The following OR3A2 variants were observed in gnomAD, a reference collection of about 807,000 sequenced individuals.
OR3A2 encodes olfactory receptor 3A2.
For synonymous variants in OR3A2, 126 were observed against 159.3 expected, an observed-to-expected ratio of 0.79 and a Z score of 1.57; for missense variants, 318 against 392.8, an observed-to-expected ratio of 0.81 and a Z score of 1.61.
chr17:3,317,184 G>A (rs1328142112), intron 3 of OR3A2, among the ~76,000 whole-genome samples: 1 of 152,048 alleles, frequency 6.6e-6, no homozygotes, highest in Admixed American at 6.5e-5. Context: ...CAGAATTGGA[G>A]GTGGTAACAG....
Position 3,303,870 on chromosome 17 carries a change from C to T in OR3A2, c.-84-24717G>A, listed in dbSNP as rs949322097. On this transcript the variant is annotated intron_variant, in intron 3 of 4. Transcript: ENST00000573491. ...TCATGGCACTGCACTCCAGCCTGGG[C>T]GATAGAGTGAGACTCCATCTCAAAA... is the stretch of plus-strand genomic sequence containing the variant. Among the ~76,000 whole-genome samples, 17 of 148,620 alleles carry T rather than the reference C, an allele frequency of 1.1e-4. 1 individual carries two copies. Among genetic ancestry groups the T allele is most frequent in the South Asian group, 4.2e-4 (2 of 4,732 alleles).
At chr17:3,331,757 A>G (rs1286341707) in intron 3 of OR3A2, among the ~76,000 whole-genome samples, 1 of 151,984 alleles carries the variant, frequency 6.6e-6, no homozygotes, top group Non-Finnish European at 1.5e-5. Flanking sequence ...ATTGCTGGTG[A>G]GGAACTGCAT....
chr17:3,287,734 C>A (rs1454033812), upstream of OR3A2, among the ~76,000 whole-genome samples: 1 of 151,998 alleles, frequency 6.6e-6, no homozygotes, highest in South Asian at 2.1e-4. Context: ...ATTCTCTTGG[C>A]GAGGCTTGAA....
At chr17:3,333,798 A>C (rs2049257873) in intron 3 of OR3A2, among the ~76,000 whole-genome samples, 1 of 152,206 alleles carries the variant, frequency 6.6e-6, no homozygotes, top group African/African-American at 2.4e-5. Context: ...AAGATAAACT[A>C]TCATCAGAGT....
rs189954681 is a variant in OR3A2, at chr17:3,321,316, C to A, written c.-85+14717G>T. The stretch of plus-strand genomic sequence containing the variant: ...GAGTTTTCTAGATATACAATCATGT[C>A]ATCTGCAAACAGGGACAATATGACT... On this transcript the variant is annotated intron_variant, in intron 3 of 4. Coordinates refer to the OR3A2 transcript ENST00000573491. Among the ~76,000 whole-genome samples, 809 of 152,248 alleles carry A rather than the reference C, an allele frequency of 5.3e-3. 2 individuals carry two copies. Among genetic ancestry groups the A allele is most frequent in the Non-Finnish European group, 8.7e-3 (591 of 68,034 alleles).
At chr17:3,292,148 C>T in intron 3 of OR3A2, 1 of 1,614,116 alleles carries the variant, frequency 6.2e-7, no homozygotes, top group Non-Finnish European at 8.5e-7. Flanking sequence ...CCACCAACAT[C>T]CTCTGGACTG....
At chr17:3,363,342 T>C (rs1260453737) in intron 2 of OR3A2, among the ~76,000 whole-genome samples, 1 of 151,812 alleles carries the variant, frequency 6.6e-6, no homozygotes, top group Non-Finnish European at 1.5e-5. Context: ...CTCTAAATGA[T>C]CTGTCTCAAG....
At chr17:3,305,826 G>A (rs73305858) in intron 3 of OR3A2, among the ~76,000 whole-genome samples, 28,767 of 152,142 alleles carry the variant, frequency 0.19, 4,274 homozygotes, top group African/African-American at 0.41. Flanking sequence ...GTGTGGACAC[G>A]TGCATAGGAA....
At chr17:3,382,079 G>A (rs1042586535) in intron 2 of OR3A2, among the ~76,000 whole-genome samples, 1 of 152,174 alleles carries the variant, frequency 6.6e-6, no homozygotes, top group Non-Finnish European at 1.5e-5. Flanking sequence ...GAAAGGAGGT[G>A]GGGTTTCCTG....
chr17:3,285,056 T>C (rs2150618412), upstream of OR3A2, among the ~76,000 whole-genome samples: 1 of 152,144 alleles, frequency 6.6e-6, no homozygotes, highest in East Asian at 1.9e-4. Flanking sequence ...ATAATGATTC[T>C]AGAGGTGGTG....
At chr17:3,349,876 T>A (rs1214623238) in intron 2 of OR3A2, among the ~76,000 whole-genome samples, 64 of 152,022 alleles carry the variant, frequency 4.2e-4, no homozygotes, top group African/African-American at 1.5e-3. Context: ...TGATTAAGAA[T>A]CTCACTCAAA....
chr17:3,321,054 T>C (rs532577672), intron 3 of OR3A2, among the ~76,000 whole-genome samples: 347 of 152,282 alleles, frequency 2.3e-3, no homozygotes, highest in African/African-American at 7.6e-3. Context: ...TTTTATTTCA[T>C]TGAGCAGTGG....
At chr17:3,348,299 T>G (rs1409218170) in intron 2 of OR3A2, among the ~76,000 whole-genome samples, 1 of 152,134 alleles carries the variant, frequency 6.6e-6, no homozygotes, top group Non-Finnish European at 1.5e-5. Context: ...CTTTTGGTGT[T>G]TTAGACATGA....
intron 3 of OR3A2, among the ~76,000 whole-genome samples, chr17:3,324,336 T>A (rs1264477778): frequency 5.9e-5 from 9 of 152,106 alleles, no homozygotes; most frequent in Admixed American, 5.9e-4. Flanking sequence ...AATTTGATCG[T>A]CTGAAGCCTT....
chr17:3,375,264 G>T (rs1597364727), intron 2 of OR3A2, among the ~76,000 whole-genome samples: 5 of 57,910 alleles, frequency 8.6e-5, no homozygotes, highest in Non-Finnish European at 1.7e-4. Flanking sequence ...TTTTGAGATA[G>T]TCTCACTTGG....
intron 2 of OR3A2, among the ~76,000 whole-genome samples, chr17:3,354,993 T>G (rs1263989870): frequency 6.6e-6 from 1 of 151,372 alleles, no homozygotes; most frequent in Non-Finnish European, 1.5e-5. Flanking sequence ...TTTTATTCCT[T>G]CTCAATGTTG....
rs1477502961 is a variant in OR3A2 at position 3,277,873 on chromosome 17, G to T, written c.*97C>A. ...ACCGATCTTCAAGCATCAGGAGATA[G>T]GAAAAATAGTTGTGGCTGAATTTTT... On this transcript the variant is annotated 3_prime_UTR_variant, in exon 2 of 2. Coordinates refer to ENST00000642052, the Ensembl canonical transcript of OR3A2. 56 of 1,327,722 alleles carry T rather than the reference G, an allele frequency of 4.2e-5. 1 individual carries two copies. Among genetic ancestry groups the T allele is most frequent in the Non-Finnish European group, 5.8e-5 (56 of 965,604 alleles). 82.2% of individuals were successfully genotyped at this position (1,327,722 alleles called of 1,614,324 possible). A position where few individuals can be genotyped will look rare whatever the true frequency, so the allele number is the denominator to read the frequency against.
chr17:3,287,262 T>C (rs900824941), upstream of OR3A2, among the ~76,000 whole-genome samples: 1 of 127,030 alleles, frequency 7.9e-6, no homozygotes, highest in African/African-American at 2.8e-5. Flanking sequence ...TTCTGATACA[T>C]CCACAGAGTG....
chr17:3,370,954 G>C (rs1273198356), intron 2 of OR3A2, among the ~76,000 whole-genome samples: 2 of 152,222 alleles, frequency 1.3e-5, no homozygotes, highest in Admixed American at 6.5e-5. Flanking sequence ...TAGGGTCACA[G>C]ATCAACAGGA....
Sources: gnomAD v4.1 joint callset for allele counts (sites outside exome capture counted in the v4.1 genomes callset) on GRCh38, gnomAD v4.1.1 for gene constraint, MANE v1.5 for transcripts, NCBI Gene and HGNC (gene_info 2026-07-23, HGNC 2026-07-21) for gene names.